The following RBM26 variants were observed in gnomAD, a reference collection of about 807,000 sequenced individuals.
RBM26 encodes the protein RNA-binding protein 26.
In RBM26, 30 loss-of-function variants were observed where a neutral mutation model predicts 123.6. The observed-to-expected ratio is 0.24, with a 90% CI of 0.18 to 0.33. The LOEUF is 0.33. Among genes scored for constraint, RBM26 ranks in the 10% least tolerant of loss-of-function variants. The pLI, the probability that RBM26 is intolerant of heterozygous loss-of-function variation, is 1.00. For missense variants in RBM26, 947 were observed against 1,203.6 expected, an observed-to-expected ratio of 0.79 and a Z score of 3.15; for synonymous variants, 400 against 404.4, an observed-to-expected ratio of 0.99 and a Z score of 0.13.
chr13:79,403,858 A>C (rs2079267055), intron 1 of RBM26, among the ~76,000 whole-genome samples: 1 of 152,196 alleles, frequency 6.6e-6, no homozygotes, highest in East Asian at 1.9e-4. Context: ...CACTTTGCTA[A>C]ATCTAAGGGC....
At chr13:79,396,107 T>C (rs549637667) in intron 1 of RBM26, among the ~76,000 whole-genome samples, 1 of 152,198 alleles carries the variant, frequency 6.6e-6, no homozygotes, top group African/African-American at 2.4e-5. Context: ...ACAGACACAT[T>C]ACATTCAGGA....
chr13:79,332,434 A>T (rs373803703), intron 20 of RBM26, among the ~76,000 whole-genome samples: 2 of 152,144 alleles, frequency 1.3e-5, no homozygotes, highest in East Asian at 3.8e-4. Context: ...CCACTGCTCT[A>T]TATGTATCCT....
intron 18 of RBM26, among the ~76,000 whole-genome samples, chr13:79,340,189 G>GACACACAT (rs2071131976): frequency 6.6e-6 from 1 of 151,738 alleles, no homozygotes; most frequent in Admixed American, 6.6e-5. Context: ...AAAAATACTG[G>GACACACAT]GCAGGACACA....
At chr13:79,396,237 T>TAAGA (rs3064591) in intron 1 of RBM26, among the ~76,000 whole-genome samples, 149,806 of 152,126 alleles carry the variant, frequency 0.98, 73,820 homozygotes, top group East Asian at 1. Context: ...GGTTCCACTT[T>TAAGA]AAGAGGAAAA....
intron 16 of RBM26, 46 bp from the exon 17 acceptor site, chr13:79,342,877 TATC>T: frequency 8.3e-7 from 1 of 1,208,810 alleles, no homozygotes; most frequent in Non-Finnish European, 1.2e-6. Context: ...TTACTCCTAT[TATC>T]ATTAACAAAA....
intron 20 of RBM26, among the ~76,000 whole-genome samples, chr13:79,325,700 T>C (rs1045138010): frequency 6.6e-6 from 1 of 152,142 alleles, no homozygotes; most frequent in Non-Finnish European, 1.5e-5. Flanking sequence ...TAAAGAAAGA[T>C]AAAATGTTCT....
chr13:79,331,534 T>C lies in RBM26; in HGVS notation c.2820+2810A>G, dbSNP rs184068649. ...CTCTAGTCCCAGCTACTCGGGAGGC[T>C]GAGGCAGGAGAATGGCATGAAGCCA... On this transcript the variant is annotated intron_variant, in intron 20 of 21. Coordinates refer to ENST00000438737, the MANE Select transcript of RBM26 (RefSeq NM_001366735.2). 7.9e-3 allele frequency among the ~76,000 whole-genome samples: 1,191 copies of C among 150,516 alleles called. 24 individuals are homozygous for C. The highest frequency in any genetic ancestry group is 0.027 in the African/African-American group (1,100 of 40,960).
At chr13:79,312,539 T>C (rs1233131887) in exon 5 of RBM26, 1 of 151,974 alleles carries the variant, frequency 6.6e-6, no homozygotes, top group Non-Finnish European at 1.5e-5. Flanking sequence ...GTGACAGACA[T>C]GGGAATTTAA....
Position 79,319,909 on chromosome 13 carries a change from T to C in RBM26, c.*712A>G. On this transcript the variant is annotated 3_prime_UTR_variant, in exon 22 of 22. Coordinates refer to ENST00000438737, the MANE Select transcript of RBM26 (RefSeq NM_001366735.2). ...ATTTTAATTTTTTTCTTTTCTTTTTTCTTTTCTTTTTTTTTTTAAATCAAG... is the reference window on the plus strand; with the variant it reads ...ATTTTAATTTTTTTCTTTTCTTTTTCCTTTTCTTTTTTTTTTTAAATCAAG... 1 of 947,898 alleles carries C rather than the reference T, an allele frequency of 1.1e-6. No individual in the cohort carries two copies. Among genetic ancestry groups the C allele is most frequent in the Non-Finnish European group, 1.3e-6 (1 of 798,036 alleles). 58.7% of individuals were successfully genotyped at this position (947,898 alleles called of 1,614,324 possible).
chr13:79,331,304 CCT>C (rs1342060417), intron 20 of RBM26, among the ~76,000 whole-genome samples: 11 of 151,946 alleles, frequency 7.2e-5, no homozygotes, highest in African/African-American at 2.4e-4. Flanking sequence ...GCGCCTGGCC[CCT>C]CTTTCCTTTT....
In RBM26 at chr13:79,344,535, T is replaced by C. The variant is rs550033638; in HGVS notation, c.2184+134A>G. 1.9e-5 allele frequency: 17 copies of C among 889,552 alleles called. No individual in the cohort carries two copies. The South Asian group carries it at 2.8e-4, about 15-fold the overall frequency. The allele number at this position is 889,552 out of a possible 1,614,324, so 55.1% of individuals were successfully genotyped here. On this transcript the variant is annotated intron_variant, in intron 15 of 21. Coordinates refer to ENST00000438737, the MANE Select transcript of RBM26 (RefSeq NM_001366735.2). Reference sequence around the variant, plus strand: ...AAAATTTTTATTTACCGCTATACTATGGAAAATAAACGTTCAGTGGCAGCC... The same window carrying C: ...AAAATTTTTATTTACCGCTATACTACGGAAAATAAACGTTCAGTGGCAGCC...
intron 1 of RBM26, among the ~76,000 whole-genome samples, chr13:79,391,958 A>G (rs982424711): frequency 6.8e-6 from 1 of 146,696 alleles, no homozygotes; most frequent in African/African-American, 2.5e-5. Flanking sequence ...ATACAAGAAT[A>G]CATAATTATT....
intron 21 of RBM26, among the ~76,000 whole-genome samples, chr13:79,321,824 CA>C (rs1428546002): frequency 6.6e-6 from 1 of 151,368 alleles, no homozygotes; most frequent in African/African-American, 2.4e-5. Flanking sequence ...TCAGCGTTAT[CA>C]GTCTGCCTTT....
chr13:79,351,756 C>T (rs938259344), intron 14 of RBM26, among the ~76,000 whole-genome samples: 1 of 152,048 alleles, frequency 6.6e-6, no homozygotes, highest in Admixed American at 6.5e-5. Context: ...ATTGAGTTAT[C>T]GATGAGCTGT....
At chr13:79,333,158 T>C (rs1408872793) in intron 20 of RBM26, among the ~76,000 whole-genome samples, 7 of 152,208 alleles carry the variant, frequency 4.6e-5, no homozygotes, top group Non-Finnish European at 1.0e-4. Flanking sequence ...CCTTTTTCAA[T>C]ATAACATACA....
intron 3 of RBM26, chr13:79,376,157 T>A (rs1445149849): frequency 6.6e-6 from 1 of 152,088 alleles, no homozygotes; most frequent in Non-Finnish European, 1.5e-5. Context: ...TGCAGAAACA[T>A]AATGGCTTGA....
chr13:79,385,221 T>C (rs149916159), intron 1 of RBM26, among the ~76,000 whole-genome samples: 18 of 152,290 alleles, frequency 1.2e-4, no homozygotes, highest in East Asian at 9.6e-4. Flanking sequence ...AATACATACA[T>C]TGAAAATTTT....
At chr13:79,326,009 T>C (rs1450352124) in intron 20 of RBM26, among the ~76,000 whole-genome samples, 1 of 152,226 alleles carries the variant, frequency 6.6e-6, no homozygotes, top group Non-Finnish European at 1.5e-5. Context: ...CAGAGTTTCG[T>C]AGCCTAAGAC....
In RBM26 at chr13:79,344,761, C is replaced by T. The variant is rs2072026162; in HGVS notation, c.2092G>A (p.Val698Met). Residue 698 changes from valine to methionine, a missense_variant, in exon 15 of 22, where the codon GTG (valine) becomes ATG (methionine). Val to Met is a conservative substitution (Grantham distance 21, BLOSUM62 1). Transcript: ENST00000438737. Reference sequence around the variant, plus strand: ...GCCTTCAAAGCAGCTGGATTATACACTGTTTTTGTTAGGCCAGTAGATGTA... The same window carrying T: ...GCCTTCAAAGCAGCTGGATTATACATTGTTTTTGTTAGGCCAGTAGATGTA... ...LSTSTGLTKT[V>M]YNPAALKAAQ... 1 of 1,613,098 alleles carries T rather than the reference C, an allele frequency of 6.2e-7. No homozygotes were observed. Among genetic ancestry groups the T allele is most frequent in the Non-Finnish European group, 8.5e-7 (1 of 1,179,462 alleles).
Sources: gnomAD v4.1 joint callset for allele counts (sites outside exome capture counted in the v4.1 genomes callset) on GRCh38, gnomAD v4.1.1 for gene constraint, MANE v1.5 for transcripts, NCBI Gene and HGNC (gene_info 2026-07-23, HGNC 2026-07-21) for gene names.